NSD2: variants seen among roughly 807,000 people sequenced by gnomAD.
NSD2 encodes the protein nuclear receptor binding SET domain protein 2.
Under a neutral mutation model 139.0 loss-of-function variants are expected in NSD2, and 12 were observed. The ratio of observed to expected loss-of-function variants is 0.09; its 90% CI spans 0.06 to 0.14. The LOEUF (loss-of-function observed/expected upper bound fraction) is 0.14. NSD2 is among the 10% of genes least tolerant of loss of function. NSD2 has a pLI of 1.00. For missense variants in NSD2, 1,155 were observed against 1,745.0 expected (o/e 0.66, Z 6.02); for synonymous variants, 669 against 648.7 (o/e 1.03, Z -0.48).
Position 1,976,231 on chromosome 4 carries a change from T to TG in NSD2, c.3622-243dup. The TG allele has an allele frequency of 1.9e-6, 1 of 524,522 alleles. No individual in the cohort carries two copies. The highest frequency in any genetic ancestry group is 3.4e-6 in the Non-Finnish European group (1 of 291,376). 32.5% of individuals were successfully genotyped at this position (524,522 alleles called of 1,614,324 possible). On this transcript the variant is annotated intron_variant, in intron 20 of 21. Coordinates refer to ENST00000508803, the MANE Select transcript of NSD2 (RefSeq NM_001042424.3). The surrounding 1 kb of genome is among the most constrained non-coding windows in gnomAD (Gnocchi z 5.3). ...TGTGTCTGCTGAGATGCTGCTGAGA[T>TG]GCGTCATTGCAGGCTTCCGACAAAG...
chr4:1,947,397 T>C, intron 9 of NSD2: 1 of 1,060,412 alleles, frequency 9.4e-7, no homozygotes, highest in Non-Finnish European at 1.1e-6. Flanking sequence ...AAGACGACTG[T>C]GGTGTGCAGT....
intron 3 of NSD2, among the ~76,000 whole-genome samples, chr4:1,914,391 T>A (rs1436029324): frequency 6.6e-6 from 1 of 151,540 alleles, no homozygotes; most frequent in Non-Finnish European, 1.5e-5. Flanking sequence ...GGTGGCACGA[T>A]CTTGGCTTAT....
intron 1 of NSD2, among the ~76,000 whole-genome samples, chr4:1,894,279 T>C (rs1360482562): frequency 6.6e-6 from 1 of 151,784 alleles, no homozygotes; most frequent in African/African-American, 2.4e-5. Context: ...TTGTCCTCCA[T>C]GTTCTGTCAT....
At position 1,981,846 on chromosome 4, in the gene NSD2, CTGTT is replaced by C. The variant is rs147409255; in HGVS notation, c.*2942_*2945del. On this transcript the variant is annotated 3_prime_UTR_variant, in exon 22 of 22. Transcript: ENST00000508803. ...TTGATCCTATGAGTGTAGTTGATGA[CTGTT>C]TGTTAGTCAGTAGAGTAAAATGCTG... The C allele has an allele frequency of 0.012, 4,941 of 398,614 alleles. 193 individuals carry two copies. Among genetic ancestry groups the C allele is most frequent in the African/African-American group, 0.089 (4,314 of 48,700 alleles). 24.7% of individuals were successfully genotyped at this position (398,614 alleles called of 1,614,324 possible).
At chr4:1,896,674 C>T (rs934664686) in intron 1 of NSD2, among the ~76,000 whole-genome samples, 1 of 150,782 alleles carries the variant, frequency 6.6e-6, no homozygotes, top group Non-Finnish European at 1.5e-5. Context: ...GCCTCCCTCC[C>T]TCCCTCCCTT....
chr4:1,940,723 C>G (rs1723001425), intron 9 of NSD2: 4 of 1,060,956 alleles, frequency 3.8e-6, no homozygotes, highest in African/African-American at 3.3e-5. Flanking sequence ...CTTACTCTTG[C>G]TGAGTCAGAA....
intron 9 of NSD2, chr4:1,943,045 G>T: frequency 1.9e-6 from 2 of 1,050,660 alleles, no homozygotes; most frequent in Non-Finnish European, 2.3e-6. Context: ...CGGACCAAGG[G>T]GATACTGTAA....
intron 8 of NSD2, among the ~76,000 whole-genome samples, chr4:1,938,861 C>T (rs1722771482): frequency 6.6e-6 from 1 of 152,064 alleles, no homozygotes; most frequent in Non-Finnish European, 1.5e-5. Context: ...TTGATGGTGC[C>T]AGTTGCTACT....
Position 1,976,137 on chromosome 4 carries a change from C to T in NSD2, c.3622-338C>T, listed in dbSNP as rs1406060194. On this transcript the variant is annotated intron_variant, in intron 20 of 21. Coordinates refer to ENST00000508803, the MANE Select transcript of NSD2 (RefSeq NM_001042424.3). This position sits in a 1 kb window ranked among gnomAD's most constrained non-coding sequence, Gnocchi z 5.3. ...TTCCTAATGAGGAGACCCTGGGTGG[C>T]GGGCGGGAGCTGTTCTGCCTGTGGT... Among the ~76,000 whole-genome samples the T allele has an allele frequency of 3.9e-5, 6 of 152,190 alleles. No homozygotes were observed. The highest frequency in any genetic ancestry group is 5.9e-5 in the Non-Finnish European group (4 of 68,028).
rs943414726 is a variant in NSD2 at position 1,981,402 on chromosome 4, C to T, written c.*2493C>T. 12 of 233,348 alleles carry T rather than the reference C, an allele frequency of 5.1e-5. No homozygotes were observed. The East Asian group carries it at 6.6e-4, about 13-fold the overall frequency. The allele number at this position is 233,348 out of a possible 1,614,324, so 14.5% of individuals were successfully genotyped here. ...GCCCTGCCCAGCTTTGTTCTGAGGA[C>T]GTGGTGACTTCCTGAACATCAGCTT... On this transcript the variant is annotated 3_prime_UTR_variant, in exon 22 of 22. Transcript: ENST00000508803.
At chr4:1,871,864 C>T (rs1455051882) in intron 1 of NSD2, among the ~76,000 whole-genome samples, 2 of 142,610 alleles carry the variant, frequency 1.4e-5, no homozygotes, top group African/African-American at 2.5e-5. Flanking sequence ...GCGGCGGCGG[C>T]TAACGGGGCC....
In NSD2 at chr4:1,948,731, G is replaced by T. The variant is rs1056029001; in HGVS notation, c.1882-2341G>T. 1 of 1,050,312 alleles carries T rather than the reference G, an allele frequency of 9.5e-7. No homozygotes were observed. Among genetic ancestry groups the T allele is most frequent in the South Asian group, 4.6e-5 (1 of 21,852 alleles). The allele number at this position is 1,050,312 out of a possible 1,614,324, so 65.1% of individuals were successfully genotyped here. A position where few individuals can be genotyped will look rare whatever the true frequency, so the allele number is the denominator to read the frequency against. On this transcript the variant is annotated intron_variant, in intron 9 of 21. Coordinates refer to ENST00000508803, the MANE Select transcript of NSD2 (RefSeq NM_001042424.3). This position sits in a 1 kb window ranked among gnomAD's most constrained non-coding sequence, Gnocchi z 4.5. ...ATTCAGTGTTTATTTCCTCAAAACAGACTTTGTTAATGTAGGAAATCTCTC... is the reference window on the plus strand; with the variant it reads ...ATTCAGTGTTTATTTCCTCAAAACATACTTTGTTAATGTAGGAAATCTCTC...
chr4:1,943,164 C>G, intron 9 of NSD2: 1 of 1,042,364 alleles, frequency 9.6e-7, no homozygotes, highest in Middle Eastern at 4.5e-4. Context: ...CCCAGGTGTC[C>G]GCATTTTTGC....
Position 1,981,983 on chromosome 4 carries a change from A to C in NSD2, c.*3074A>C, listed in dbSNP as rs1459181769. 2.3e-5 allele frequency: 9 copies of C among 398,560 alleles called. No individual in the cohort carries two copies. In the East Asian group the frequency reaches 3.2e-4, roughly 14 times the overall value. 24.7% of individuals were successfully genotyped at this position (398,560 alleles called of 1,614,324 possible). On this transcript the variant is annotated 3_prime_UTR_variant, in exon 22 of 22. Transcript: ENST00000508803. The stretch of plus-strand genomic sequence containing the variant: ...CCTATTGGTGTCTAAACTTCATACA[A>C]TGTAAGGTCAGATTCCTTTTAGGAA...
intron 1 of NSD2, among the ~76,000 whole-genome samples, chr4:1,872,623 A>AGAGAGAGAGAGAGAGAGG (rs1560534069): frequency 7.0e-6 from 1 of 143,834 alleles, no homozygotes. Context: ...AGAGAGAGAG[A>AGAGAGAGAGAGAGAGAGG]GAGAGAGAGA....
At chr4:1,953,071 C>A (rs1331366686) in intron 11 of NSD2, 48 of 1,465,044 alleles carry the variant, frequency 3.3e-5, no homozygotes, top group Non-Finnish European at 4.1e-5. Flanking sequence ...GCCTCCCCAG[C>A]CAGGCTGCCT....
chr4:1,872,621 A>AGAGAGAGG (rs1713929947), intron 1 of NSD2, among the ~76,000 whole-genome samples: 1 of 145,406 alleles, frequency 6.9e-6, no homozygotes, highest in Non-Finnish European at 1.5e-5. Context: ...AGAGAGAGAG[A>AGAGAGAGG]GAGAGAGAGA....
At chr4:1,917,238 T>C (rs1719514484) in intron 4 of NSD2, among the ~76,000 whole-genome samples, 1 of 152,160 alleles carries the variant, frequency 6.6e-6, no homozygotes, top group Non-Finnish European at 1.5e-5. Context: ...TTTTTTTTGC[T>C]CATTTGATGA....
intron 2 of NSD2, 92 bp downstream of exon 2, chr4:1,901,343 C>T (rs750743087): frequency 1.1e-4 from 134 of 1,182,838 alleles, no homozygotes; most frequent in Non-Finnish European, 1.4e-4. Context: ...CTGGGGCGGG[C>T]GGAGAAGGTG....
Sources: allele counts gnomAD v4.1 joint callset (sites outside exome capture counted in the v4.1 genomes callset), GRCh38; gene constraint gnomAD v4.1.1; non-coding constraint Gnocchi (gnomAD v3.1); transcripts MANE v1.5; gene names NCBI Gene and HGNC (gene_info 2026-07-23, HGNC 2026-07-21).